Variants in ADAMTS5 observed in about 807,000 individuals in gnomAD.
The protein encoded by ADAMTS5 is A disintegrin and metalloproteinase with thrombospondin motifs 5.
Under a neutral mutation model 81.4 loss-of-function variants are expected in ADAMTS5, and 54 were observed. The observed-to-expected ratio is 0.66, with a 90% CI of 0.53 to 0.83. The LOEUF is 0.83. Among genes scored for constraint, ADAMTS5 ranks in the 40% least tolerant of loss-of-function variants. ADAMTS5 has a pLI of 0.00. For missense variants in ADAMTS5, 1,194 were observed against 1,229.9 expected, an observed-to-expected ratio of 0.97 and a Z score of 0.44; for synonymous variants, 532 against 508.8, an observed-to-expected ratio of 1.05 and a Z score of -0.61.
In ADAMTS5 at chr21:26,922,050, C is replaced by T. The variant is rs890414982; in HGVS notation, c.*2003G>A. The T allele has an allele frequency of 7.2e-5, 11 of 152,146 alleles. No homozygotes were observed. The highest frequency in any genetic ancestry group is 2.2e-4 in the African/African-American group (9 of 41,554). 9.4% of individuals were successfully genotyped at this position (152,146 alleles called of 1,614,324 possible). ...ATTCTCTTTGCACAGACAAATGGCA[C>T]TGGGATTATTATTTTTTTTCTCACC... On this transcript the variant is annotated 3_prime_UTR_variant, in exon 8 of 8. Coordinates refer to ENST00000284987, the MANE Select transcript of ADAMTS5 (RefSeq NM_007038.5).
At chr21:26,928,655 GTCTT>G (rs1053705290) in intron 7 of ADAMTS5, among the ~76,000 whole-genome samples, 15 of 138,342 alleles carry the variant, frequency 1.1e-4, no homozygotes, top group African/African-American at 3.2e-4. Context: ...TCTTTCCTTT[GTCTT>G]TCTTTCTCTT....
chr21:26,943,640 T>C, intron 2 of ADAMTS5, 93 bp from the exon 3 acceptor site: 2 of 1,200,422 alleles, frequency 1.7e-6, no homozygotes, highest in South Asian at 3.2e-5. Flanking sequence ...TTTTTTCCCC[T>C]AATTGTAGAT....
At position 26,922,805 on chromosome 21, in the gene ADAMTS5, A is replaced by T. The variant is rs1052621937; in HGVS notation, c.*1248T>A. The T allele has an allele frequency of 6.6e-6, 1 of 152,576 alleles. No homozygotes were observed. The highest frequency in any genetic ancestry group is 1.5e-5 in the Non-Finnish European group (1 of 67,988). The allele number at this position is 152,576 out of a possible 1,614,324, so 9.5% of individuals were successfully genotyped here. On this transcript the variant is annotated 3_prime_UTR_variant, in exon 8 of 8. Transcript: ENST00000284987. ...TATTTAGTACAATAGGAATATACTT[A>T]GATTTTTTAAATTAAGAAATTATTG...
At position 26,962,902 on chromosome 21, in the gene ADAMTS5, C is replaced by A. The variant is rs551790483; in HGVS notation, c.1104+2386G>T. ...ATGCTCTGAAGTATTAGGCAAAGTT[C>A]ACTTTGCATTGTGAAATACTCTCAA... On this transcript the variant is annotated intron_variant, in intron 1 of 7. Coordinates refer to ENST00000284987, the MANE Select transcript of ADAMTS5 (RefSeq NM_007038.5). 2.6e-5 allele frequency among the ~76,000 whole-genome samples: 4 copies of A among 151,904 alleles called. No homozygotes were observed. The South Asian group carries it at 8.3e-4, about 32-fold the overall frequency.
chr21:26,946,008 G>A (rs1270050467), intron 2 of ADAMTS5, among the ~76,000 whole-genome samples: 2 of 152,170 alleles, frequency 1.3e-5, no homozygotes, highest in African/African-American at 4.8e-5. Flanking sequence ...AAGCCTGTCA[G>A]CTCTCTGGGA....
chr21:26,948,472 A>G (rs1432342335), intron 2 of ADAMTS5, among the ~76,000 whole-genome samples: 1 of 152,252 alleles, frequency 6.6e-6, no homozygotes, highest in Non-Finnish European at 1.5e-5. Flanking sequence ...ATTTTACCTA[A>G]TTTTCCAGCT....
chr21:26,927,578 A>G (rs1986827279), intron 7 of ADAMTS5, among the ~76,000 whole-genome samples: 1 of 152,198 alleles, frequency 6.6e-6, no homozygotes. Flanking sequence ...GACAGTGTAG[A>G]AAAGACATAG....
intron 6 of ADAMTS5, 71 bp from the exon 7 acceptor site, chr21:26,930,132 A>C: frequency 6.7e-7 from 1 of 1,487,840 alleles, no homozygotes. Flanking sequence ...TCAACTAGTA[A>C]GTTCTCATTT....
chr21:26,929,764 G>A, intron 7 of ADAMTS5, 122 bp downstream of exon 7: 2 of 863,438 alleles, frequency 2.3e-6, no homozygotes, highest in Non-Finnish European at 3.3e-6. Context: ...TGTGTTTCTA[G>A]AGCCACGTTA....
At position 26,922,976 on chromosome 21, in the gene ADAMTS5, A is replaced by G. The variant is rs1306829664; in HGVS notation, c.*1077T>C. On this transcript the variant is annotated 3_prime_UTR_variant, in exon 8 of 8. Transcript: ENST00000284987. ...TAAGTCAAGAAATACAAAACATTGTAGGTCTTACTGAACCCTTGAACAAAA... is the reference window on the plus strand; with the variant it reads ...TAAGTCAAGAAATACAAAACATTGTGGGTCTTACTGAACCCTTGAACAAAA... 1.3e-5 allele frequency: 2 copies of G among 152,558 alleles called. No homozygotes were observed. The highest frequency in any genetic ancestry group is 2.9e-5 in the Non-Finnish European group (2 of 68,008). 9.5% of individuals were successfully genotyped at this position (152,558 alleles called of 1,614,324 possible). A position where few individuals can be genotyped will look rare whatever the true frequency, so the allele number is the denominator to read the frequency against.
In ADAMTS5 at chr21:26,919,822, A is replaced by C. The variant is rs1046251223; in HGVS notation, c.*4231T>G. The C allele has an allele frequency of 6.6e-6, 1 of 152,170 alleles. No individual in the cohort carries two copies. The highest frequency in any genetic ancestry group is 1.9e-4 in the East Asian group (1 of 5,168). The allele number at this position is 152,170 out of a possible 1,614,324, so 9.4% of individuals were successfully genotyped here. A position where few individuals can be genotyped will look rare whatever the true frequency, so the allele number is the denominator to read the frequency against. On this transcript the variant is annotated 3_prime_UTR_variant, in exon 8 of 8. Coordinates refer to ENST00000284987, the MANE Select transcript of ADAMTS5 (RefSeq NM_007038.5). ...TGATCTATCTGTTTGATAACCTAAAACTATAGATTGTTGGCAAATGAGAAA... is the reference window on the plus strand; with the variant it reads ...TGATCTATCTGTTTGATAACCTAAACCTATAGATTGTTGGCAAATGAGAAA...
intron 7 of ADAMTS5, among the ~76,000 whole-genome samples, chr21:26,925,564 G>A (rs1299609313): frequency 2.0e-5 from 3 of 152,198 alleles, no homozygotes; most frequent in African/African-American, 7.2e-5. Context: ...CACCAAGGGT[G>A]AAATGACGAG....
At chr21:26,932,302 T>C (rs1986925711) in intron 5 of ADAMTS5, 123 bp from the exon 6 acceptor site, 1 of 972,564 alleles carries the variant, frequency 1.0e-6, no homozygotes, top group Non-Finnish European at 1.5e-6. Context: ...CCACAGTCTC[T>C]TTACTCACCA....
intron 1 of ADAMTS5, among the ~76,000 whole-genome samples, chr21:26,960,750 T>C (rs1987514845): frequency 6.6e-6 from 1 of 152,172 alleles, no homozygotes; most frequent in African/African-American, 2.4e-5. Context: ...CTAGCAGACA[T>C]AGTGTATAGT....
chr21:26,943,435 C>T lies in ADAMTS5; in HGVS notation c.1350G>A (p.Lys450=), dbSNP rs528381319. The T allele has an allele frequency of 8.9e-5, 143 of 1,613,262 alleles. No homozygotes were observed. The South Asian group carries it at 1.5e-3, about 16-fold the overall frequency. Residue 450 remains lysine (K), a synonymous_variant, in exon 3 of 8, where the codon AAG becomes AAA. Coordinates refer to ENST00000284987, the MANE Select transcript of ADAMTS5 (RefSeq NM_007038.5). ...SSILTSIDAS[K]PWSKCTSATI... ...TGGCTGAAGTGCATTTGGACCAGGG[C>T]TTAGATGCATCAATGCTGGTAAGGA...
In ADAMTS5 at chr21:26,963,641, C is replaced by CA. The variant is rs533760778; in HGVS notation, c.1104+1646dup. 1.7e-4 allele frequency among the ~76,000 whole-genome samples: 5 copies of CA among 30,020 alleles called. 1 individual carries two copies. The highest frequency in any genetic ancestry group is 2.1e-4 in the Non-Finnish European group (3 of 14,206). 19.7% of individuals were successfully genotyped at this position (30,020 alleles called of 152,430 possible). The stretch of plus-strand genomic sequence containing the variant: ...ACCCCAGACACGGAAAGTTGCTTAC[C>CA]AAAAAAAAAAAAAAAAAAAAAAAAA... On this transcript the variant is annotated intron_variant, in intron 1 of 7. Transcript: ENST00000284987.
rs1487880902 is a variant in ADAMTS5 at position 26,943,514 on chromosome 21, T to C, written c.1271A>G (p.Lys424Arg). The C allele has an allele frequency of 6.2e-7, 1 of 1,613,556 alleles. No individual in the cohort carries two copies. The highest frequency in any genetic ancestry group is 8.5e-7 in the Non-Finnish European group (1 of 1,179,718). The change falls in exon 3 of 8, where the codon AAA becomes AGA. Residue 424 changes from lysine (K) to arginine (R), a missense_variant. Around this residue, in one of 2 missense-constraint regions of ADAMTS5, gnomAD observed 696 missense variants for 817.6 expected, o/e 0.85. Coordinates refer to ENST00000284987, the MANE Select transcript of ADAMTS5 (RefSeq NM_007038.5). The part of the protein sequence containing the change: ...HLLGLSHDDS[K>R]FCEETFGSTE... ...GGAACCAAAGGTCTCTTCACAGAAT[T>C]TGGAATCGTCATGGGAGAGGCCAAG...
intron 3 of ADAMTS5, among the ~76,000 whole-genome samples, chr21:26,935,238 A>G (rs576731282): frequency 3.9e-5 from 6 of 152,242 alleles, no homozygotes; most frequent in African/African-American, 1.4e-4. Context: ...TGCCTATCAC[A>G]TGTCTCCTTT....
At chr21:26,939,372 C>G (rs1350409563) in intron 3 of ADAMTS5, among the ~76,000 whole-genome samples, 1 of 152,174 alleles carries the variant, frequency 6.6e-6, no homozygotes, top group Non-Finnish European at 1.5e-5. Flanking sequence ...TATTTTCACA[C>G]TCTATTAAAG....
Sources: gnomAD v4.1 joint callset for allele counts (sites outside exome capture counted in the v4.1 genomes callset) on GRCh38, gnomAD v4.1.1 for gene constraint, gnomAD v4.1.1 regional missense constraint, MANE v1.5 for transcripts, NCBI Gene and HGNC (gene_info 2026-07-23, HGNC 2026-07-21) for gene names.